RTF2: variants seen among roughly 807,000 people sequenced by gnomAD.
The protein encoded by RTF2 is UPF0549 protein C20orf43.
A neutral mutation model predicts 38.0 loss-of-function variants in RTF2; 18 were observed. The observed-to-expected ratio is 0.47, with a 90% confidence interval of 0.33 to 0.70. RTF2 has a LOEUF of 0.70. RTF2 is among the 30% of genes least tolerant of loss of function. The pLI is 0.02. For missense variants in RTF2, 311 were observed against 379.6 expected (o/e 0.82, Z 1.50); for synonymous variants, 126 against 137.1 (o/e 0.92, Z 0.57).
At chr20:56,501,904 G>A (rs1313733330) in intron 5 of RTF2, among the ~76,000 whole-genome samples, 3 of 152,144 alleles carry the variant, frequency 2.0e-5, no homozygotes, top group Non-Finnish European at 4.4e-5. Flanking sequence ...GTTTGTGTGT[G>A]AGAGCATTTC....
intron 5 of RTF2, among the ~76,000 whole-genome samples, chr20:56,499,087 A>G (rs957307569): frequency 2.0e-5 from 3 of 152,074 alleles, no homozygotes; most frequent in Non-Finnish European, 4.4e-5. Context: ...CTGCCGAGGT[A>G]TGTCAGGCCG....
chr20:56,512,395 C>T (rs559252134), intron 5 of RTF2, among the ~76,000 whole-genome samples: 3 of 152,298 alleles, frequency 2.0e-5, no homozygotes, highest in South Asian at 4.1e-4. Flanking sequence ...GTGATGAAGA[C>T]AAGACTCCAG....
At chr20:56,505,835 A>T (rs1827600674) in intron 5 of RTF2, among the ~76,000 whole-genome samples, 1 of 152,210 alleles carries the variant, frequency 6.6e-6, no homozygotes, top group African/African-American at 2.4e-5. Context: ...TAAACCTCTT[A>T]TACAGATTGA....
rs558630270 is a variant in RTF2, at chr20:56,472,302, G to A, written c.70-999G>A. On this transcript the variant is annotated intron_variant, in intron 1 of 8. Coordinates refer to ENST00000357348, the MANE Select transcript of RTF2 (RefSeq NM_016407.5). ...TTTCTCTTCCTATTTTCTTCCAAATGTGCTGTCCTGTTAAATTATTCAGAT... is the reference window on the plus strand; with the variant it reads ...TTTCTCTTCCTATTTTCTTCCAAATATGCTGTCCTGTTAAATTATTCAGAT... The A allele has an allele frequency of 1.7e-4, 217 of 1,264,548 alleles. No individual in the cohort carries two copies. The African/African-American group carries it at 2.7e-3, about 16-fold the overall frequency. The allele number at this position is 1,264,548 out of a possible 1,614,324, so 78.3% of individuals were successfully genotyped here. A position where few individuals can be genotyped will look rare whatever the true frequency, so the allele number is the denominator to read the frequency against.
At position 56,518,512 on chromosome 20, in the gene RTF2, C is replaced by G. The variant is rs1029908128; in HGVS notation, c.*247C>G. 1.0e-5 allele frequency: 4 copies of G among 386,340 alleles called. No individual in the cohort carries two copies. Among genetic ancestry groups the G allele is most frequent in the African/African-American group, 2.1e-5 (1 of 48,486 alleles). 23.9% of individuals were successfully genotyped at this position (386,340 alleles called of 1,614,324 possible). A position where few individuals can be genotyped will look rare whatever the true frequency, so the allele number is the denominator to read the frequency against. The stretch of plus-strand genomic sequence containing the variant: ...CTTCCACCTGCAGGTGCATTTGGTC[C>G]TTTCCATGGCCAGGAAGCCCTGTGG... On this transcript the variant is annotated 3_prime_UTR_variant, in exon 9 of 9. Coordinates refer to ENST00000357348, the MANE Select transcript of RTF2 (RefSeq NM_016407.5).
At chr20:56,491,631 G>A (rs1983138108) in intron 5 of RTF2, 2 of 1,551,902 alleles carry the variant, frequency 1.3e-6, no homozygotes, top group Non-Finnish European at 1.7e-6. Context: ...ACTTCTGCCT[G>A]CCTCAGCACT....
At chr20:56,516,658 T>G in intron 6 of RTF2, 2 of 503,076 alleles carry the variant, frequency 4.0e-6, no homozygotes, top group African/African-American at 1.9e-5. Flanking sequence ...CTCATTTAAA[T>G]TTTTGCAAAT....
At chr20:56,472,344 G>A in intron 1 of RTF2, 1 of 1,542,984 alleles carries the variant, frequency 6.5e-7, no homozygotes, top group Non-Finnish European at 8.8e-7. Context: ...TTTGAAGAAT[G>A]GGAAAGAGTG....
intron 5 of RTF2, among the ~76,000 whole-genome samples, chr20:56,507,528 A>T (rs1481209278): frequency 6.6e-6 from 1 of 152,196 alleles, no homozygotes; most frequent in African/African-American, 2.4e-5. Flanking sequence ...TCAGTGGCCA[A>T]TTCAACTTTA....
Position 56,468,773 on chromosome 20 carries a change from G to A in RTF2, c.69+7G>A, listed in dbSNP as rs371832533. On this transcript the variant is annotated splice_region_variant and intron_variant, in intron 1 of 8. Transcript: ENST00000357348. ...GCCGAAGAAGGTTGAGAAGGTCAGT[G>A]ATGTGGGCCGGCTCTTGGCGACCGG... is the stretch of plus-strand genomic sequence containing the variant. 5.7e-6 allele frequency: 9 copies of A among 1,571,768 alleles called. No individual in the cohort carries two copies. The highest frequency in any genetic ancestry group is 4.1e-5 in the African/African-American group (3 of 73,766).
intron 5 of RTF2, chr20:56,496,872 T>C (rs1485596774): frequency 1.3e-6 from 2 of 1,551,732 alleles, no homozygotes; most frequent in Non-Finnish European, 1.7e-6. Flanking sequence ...GAGATGACTT[T>C]GACTTGTCTT....
chr20:56,508,872 CAA>C (rs900992551), intron 5 of RTF2, among the ~76,000 whole-genome samples: 1 of 152,160 alleles, frequency 6.6e-6, no homozygotes, highest in African/African-American at 2.4e-5. Context: ...AAAATAAACT[CAA>C]AGTGATCACA....
intron 5 of RTF2, among the ~76,000 whole-genome samples, chr20:56,503,708 A>G (rs1262355084): frequency 6.6e-6 from 1 of 152,166 alleles, no homozygotes; most frequent in Non-Finnish European, 1.5e-5. Flanking sequence ...CACACCTGTA[A>G]TCCTAGCACT....
In RTF2 at chr20:56,518,524, A is replaced by G. The variant is rs890038880; in HGVS notation, c.*259A>G. 20 of 367,766 alleles carry G rather than the reference A, an allele frequency of 5.4e-5. No individual in the cohort carries two copies. Among genetic ancestry groups the G allele is most frequent in the Non-Finnish European group, 7.3e-5 (15 of 206,306 alleles). 22.8% of individuals were successfully genotyped at this position (367,766 alleles called of 1,614,324 possible). A position where few individuals can be genotyped will look rare whatever the true frequency, so the allele number is the denominator to read the frequency against. Reference sequence around the variant, plus strand: ...GGTGCATTTGGTCCTTTCCATGGCCAGGAAGCCCTGTGGGCTGCACTTTTT... The same window carrying G: ...GGTGCATTTGGTCCTTTCCATGGCCGGGAAGCCCTGTGGGCTGCACTTTTT... On this transcript the variant is annotated 3_prime_UTR_variant, in exon 9 of 9. Coordinates refer to ENST00000357348, the MANE Select transcript of RTF2 (RefSeq NM_016407.5).
chr20:56,506,537 G>T (rs1482373519), intron 5 of RTF2, among the ~76,000 whole-genome samples: 1 of 151,980 alleles, frequency 6.6e-6, no homozygotes, highest in African/African-American at 2.4e-5. Flanking sequence ...TCCCCTCTTG[G>T]CACTTCCCCT....
intron 5 of RTF2, among the ~76,000 whole-genome samples, chr20:56,492,444 G>A (rs904378219): frequency 1.4e-5 from 2 of 144,916 alleles, no homozygotes; most frequent in African/African-American, 5.0e-5. Context: ...TACAGGCCAG[G>A]CACGGTGGCT....
chr20:56,481,981 C>T (rs1600800468), intron 4 of RTF2, among the ~76,000 whole-genome samples: 1 of 152,218 alleles, frequency 6.6e-6, no homozygotes, highest in South Asian at 2.1e-4. Flanking sequence ...ACAATGGGGT[C>T]TCGAGTAGGA....
intron 5 of RTF2, chr20:56,495,067 T>A (rs746953571): frequency 1.5e-6 from 1 of 661,518 alleles, no homozygotes; most frequent in Non-Finnish European, 2.6e-6. Flanking sequence ...ACTCAACCTA[T>A]ACTAATTGGA....
chr20:56,472,533 T>C, intron 1 of RTF2: 8 of 558,700 alleles, frequency 1.4e-5, no homozygotes, highest in Non-Finnish European at 1.9e-5. Flanking sequence ...TTCTGTTAAA[T>C]TGAACATTTT....
Sources: gnomAD v4.1 joint callset for allele counts (sites outside exome capture counted in the v4.1 genomes callset) on GRCh38, gnomAD v4.1.1 for gene constraint, MANE v1.5 for transcripts, NCBI Gene and HGNC (gene_info 2026-07-23, HGNC 2026-07-21) for gene names.